The following SLC14A2 variants were observed in gnomAD, a reference collection of about 807,000 sequenced individuals.
SLC14A2 encodes urea transporter 2.
Under a neutral mutation model 104.6 loss-of-function variants are expected in SLC14A2, and 91 were observed. That is an observed-to-expected ratio of 0.87 (90% confidence interval 0.73 to 1.04). SLC14A2 has a LOEUF of 1.04. Among genes scored for constraint, SLC14A2 ranks in the 50% least tolerant of loss-of-function variants. The pLI is 0.00. For synonymous variants in SLC14A2, 476 were observed against 466.4 expected, an observed-to-expected ratio of 1.02 and a Z score of -0.27; for missense variants, 1,189 against 1,156.0, an observed-to-expected ratio of 1.03 and a Z score of -0.41.
chr18:45,194,904 A>G, the SLC14A2 span, among the ~76,000 whole-genome samples: 2 of 151,996 alleles, frequency 1.3e-5, no homozygotes, highest in African/African-American at 2.4e-5. Flanking sequence ...TCAGCCTCCC[A>G]AAGTGCTGGG....
intron 1 of SLC14A2, among the ~76,000 whole-genome samples, chr18:45,463,462 T>C (rs1023965808): frequency 3.9e-5 from 6 of 152,196 alleles, no homozygotes; most frequent in Non-Finnish European, 7.3e-5. Context: ...TCATGCACTG[T>C]AGATGCTCGA....
At chr18:45,568,205 G>T (rs991202748) in intron 2 of SLC14A2, among the ~76,000 whole-genome samples, 9 of 152,192 alleles carry the variant, frequency 5.9e-5, no homozygotes, top group Admixed American at 1.3e-4. Flanking sequence ...GCCATCCCCA[G>T]CAGGCTTGTG....
chr18:45,432,385 C>CA (rs1469348737), intron 1 of SLC14A2, among the ~76,000 whole-genome samples: 1 of 152,118 alleles, frequency 6.6e-6, no homozygotes, highest in East Asian at 1.9e-4. Context: ...AACGTAGCTA[C>CA]AAAAATAATA....
intron 1 of SLC14A2, among the ~76,000 whole-genome samples, chr18:45,344,174 C>T (rs1346926592): frequency 6.6e-6 from 1 of 152,132 alleles, no homozygotes; most frequent in Non-Finnish European, 1.5e-5. Context: ...CCATGTATCT[C>T]CTTCACTAAA....
At chr18:45,285,172 A>G (rs1164928946) in intron 1 of SLC14A2, among the ~76,000 whole-genome samples, 1 of 152,206 alleles carries the variant, frequency 6.6e-6, no homozygotes, top group Non-Finnish European at 1.5e-5. Context: ...TATTGGTAGA[A>G]TAGAGACAGA....
chr18:45,385,070 T>C (rs2144393657), intron 1 of SLC14A2, among the ~76,000 whole-genome samples: 1 of 152,242 alleles, frequency 6.6e-6, no homozygotes, highest in East Asian at 1.9e-4. Flanking sequence ...TCCTCAGAGA[T>C]GAAAAGGGAA....
intron 1 of SLC14A2, among the ~76,000 whole-genome samples, chr18:45,259,836 C>G (rs1373513612): frequency 6.6e-6 from 1 of 152,136 alleles, no homozygotes; most frequent in East Asian, 1.9e-4. Flanking sequence ...AAGGAGTAAT[C>G]TGGGGAAGTA....
chr18:45,546,930 T>C (rs2043979772), intron 2 of SLC14A2, among the ~76,000 whole-genome samples: 1 of 152,210 alleles, frequency 6.6e-6, no homozygotes, highest in African/African-American at 2.4e-5. Flanking sequence ...CTGGCTACTC[T>C]TGCCACTGTT....
intron 1 of SLC14A2, among the ~76,000 whole-genome samples, chr18:45,360,113 A>G (rs1258052835): frequency 5.3e-5 from 8 of 152,286 alleles, no homozygotes; most frequent in East Asian, 1.9e-4. Flanking sequence ...CCTTCCCAGT[A>G]AAAGCTCCTC....
chr18:45,551,216 G>A, intron 2 of SLC14A2, among the ~76,000 whole-genome samples: 1 of 151,954 alleles, frequency 6.6e-6, no homozygotes, highest in East Asian at 1.9e-4. Context: ...TTTTAATATG[G>A]GGAATTTTAA....
intron 10 of SLC14A2, chr18:45,646,362 G>A (rs1240350456): frequency 6.6e-6 from 1 of 152,122 alleles, no homozygotes; most frequent in African/African-American, 2.4e-5. Context: ...ATTAGGATAA[G>A]GGCTTCAGTT....
At chr18:45,465,694 A>G (rs2087128191) in intron 1 of SLC14A2, among the ~76,000 whole-genome samples, 1 of 152,088 alleles carries the variant, frequency 6.6e-6, no homozygotes, top group South Asian at 2.1e-4. Flanking sequence ...GTCAGCTAGG[A>G]GCCCACCTGA....
intron 10 of SLC14A2, among the ~76,000 whole-genome samples, chr18:45,657,790 C>T (rs1007999498): frequency 1.3e-5 from 2 of 152,166 alleles, no homozygotes; most frequent in Non-Finnish European, 2.9e-5. Flanking sequence ...CATCTCAAAG[C>T]CTTTTTCAAT....
intron 1 of SLC14A2, chr18:45,213,258 T>C (rs935734142): frequency 3.9e-5 from 6 of 152,228 alleles, no homozygotes; most frequent in Admixed American, 3.9e-4. Flanking sequence ...CTGTATGCTG[T>C]AATTATATGG....
At chr18:45,197,413 A>G in the SLC14A2 span, among the ~76,000 whole-genome samples, 6 of 152,198 alleles carry the variant, frequency 3.9e-5, no homozygotes, top group African/African-American at 9.6e-5. Context: ...GCCTATCAGT[A>G]TCAGTCAATA....
rs148061607 is a variant in SLC14A2 at position 45,227,690 on chromosome 18, G to C, written c.-125+14499G>C. ...TGTGGCAGATGACGAAGCACTTCTA[G>C]GTCTGGATCTGGGGTTAATGTGGAG... On this transcript the variant is annotated intron_variant, in intron 1 of 20. Transcript: ENST00000586448. Among the ~76,000 whole-genome samples the C allele has an allele frequency of 9.9e-5, 15 of 152,284 alleles. No homozygotes were observed. The East Asian group carries it at 2.9e-3, about 29-fold the overall frequency.
At chr18:45,624,196 T>C (rs966594758) in intron 1 of SLC14A2, among the ~76,000 whole-genome samples, 4 of 152,134 alleles carry the variant, frequency 2.6e-5, no homozygotes, top group African/African-American at 9.7e-5. Context: ...TTGTAAGCAA[T>C]GTAGCCTCCA....
chr18:45,252,989 T>A (rs1179282614), intron 1 of SLC14A2, among the ~76,000 whole-genome samples: 3 of 152,140 alleles, frequency 2.0e-5, no homozygotes, highest in Non-Finnish European at 4.4e-5. Flanking sequence ...AAAAGATGGA[T>A]GTTGGGGTGC....
chr18:45,251,141 C>A (rs2084419124), intron 1 of SLC14A2, among the ~76,000 whole-genome samples: 2 of 152,150 alleles, frequency 1.3e-5, no homozygotes, highest in African/African-American at 4.8e-5. Context: ...GCAGTATACA[C>A]TGAACCCAAT....
Sources: allele counts gnomAD v4.1 joint callset (sites outside exome capture counted in the v4.1 genomes callset), GRCh38; gene constraint gnomAD v4.1.1; transcripts MANE v1.5; gene names NCBI Gene and HGNC (gene_info 2026-07-23, HGNC 2026-07-21).